LMNTD1: variants seen among roughly 807,000 people sequenced by gnomAD.
The protein encoded by LMNTD1 is lamin tail domain-containing protein 1.
LMNTD1 carries 35 observed loss-of-function variants against 50.9 expected under a neutral mutation model. The ratio of observed to expected loss-of-function variants is 0.69; its 90% confidence interval spans 0.53 to 0.91. The LOEUF (loss-of-function observed/expected upper bound fraction) is 0.91. Among genes scored for constraint, LMNTD1 ranks in the 40% least tolerant of loss-of-function variants. LMNTD1 has a pLI of 0.00. For synonymous variants in LMNTD1, 153 were observed against 161.9 expected (o/e 0.94, Z 0.42); for missense variants, 470 against 475.5 (o/e 0.99, Z 0.11).
At chr12:25,644,882 T>C (rs1023190635) in intron 1 of LMNTD1, among the ~76,000 whole-genome samples, 3 of 152,164 alleles carry the variant, frequency 2.0e-5, no homozygotes, top group Non-Finnish European at 4.4e-5. Context: ...CTGAGGTACA[T>C]AGATTTGACG....
chr12:25,604,003 GCAAA>G (rs1454386475), intron 1 of LMNTD1, among the ~76,000 whole-genome samples: 7 of 151,986 alleles, frequency 4.6e-5, no homozygotes, highest in Non-Finnish European at 7.4e-5. Context: ...AAAGAGCTAT[GCAAA>G]CAAACAAGCA....
intron 1 of LMNTD1, among the ~76,000 whole-genome samples, chr12:25,589,730 C>G (rs1311450840): frequency 6.6e-6 from 1 of 152,160 alleles, no homozygotes; most frequent in East Asian, 1.9e-4. Context: ...CTTCATGGCA[C>G]AAATATTCTC....
intron 1 of LMNTD1, among the ~76,000 whole-genome samples, chr12:25,629,744 T>C (rs1258474575): frequency 6.6e-6 from 1 of 152,176 alleles, no homozygotes; most frequent in Admixed American, 6.5e-5. Flanking sequence ...ATTGCTATCA[T>C]GGCTATTAAT....
intron 4 of LMNTD1, among the ~76,000 whole-genome samples, chr12:25,539,736 G>C (rs1565992897): frequency 7.4e-6 from 1 of 135,768 alleles, no homozygotes; most frequent in Non-Finnish European, 1.6e-5. Context: ...GAGCAGAACT[G>C]AAGGAAATAG....
At chr12:25,511,693 A>G (rs1940307999) in intron 8 of LMNTD1, among the ~76,000 whole-genome samples, 2 of 152,154 alleles carry the variant, frequency 1.3e-5, no homozygotes, top group African/African-American at 2.4e-5. Context: ...TTAAAATCCA[A>G]TTGTTGCCTC....
At chr12:25,562,415 G>T (rs1339805346) in intron 1 of LMNTD1, among the ~76,000 whole-genome samples, 1 of 152,210 alleles carries the variant, frequency 6.6e-6, no homozygotes, top group Non-Finnish European at 1.5e-5. Flanking sequence ...GGCTGGATAT[G>T]AAATTCTGGG....
intron 1 of LMNTD1, among the ~76,000 whole-genome samples, chr12:25,597,566 C>T (rs949885505): frequency 6.6e-6 from 1 of 152,078 alleles, no homozygotes; most frequent in Non-Finnish European, 1.5e-5. Flanking sequence ...GATTTCACCC[C>T]ACTTTCAACA....
intron 9 of LMNTD1, among the ~76,000 whole-genome samples, chr12:25,477,412 T>C (rs1487345542): frequency 6.6e-6 from 1 of 151,826 alleles, no homozygotes; most frequent in Non-Finnish European, 1.5e-5. Flanking sequence ...AAATCGGTCG[T>C]AGAAAGCAAC....
At chr12:25,539,067 C>A (rs1442793151) in intron 4 of LMNTD1, among the ~76,000 whole-genome samples, 1 of 151,278 alleles carries the variant, frequency 6.6e-6, no homozygotes, top group African/African-American at 2.4e-5. Context: ...CACCCAGATT[C>A]ATAAAGCAAG....
chr12:25,494,838 T>G, intron 9 of LMNTD1, among the ~76,000 whole-genome samples: 1 of 152,178 alleles, frequency 6.6e-6, no homozygotes, highest in East Asian at 1.9e-4. Flanking sequence ...ATACTTAACA[T>G]TTGTTTCGTG....
chr12:25,559,397 A>G (rs537217799), intron 1 of LMNTD1, among the ~76,000 whole-genome samples: 1 of 152,342 alleles, frequency 6.6e-6, no homozygotes, highest in African/African-American at 2.4e-5. Flanking sequence ...ATGGCTGCAT[A>G]GTATTCCATG....
chr12:25,599,504 T>G (rs931857409), intron 1 of LMNTD1, among the ~76,000 whole-genome samples: 1 of 152,028 alleles, frequency 6.6e-6, no homozygotes, highest in South Asian at 2.1e-4. Flanking sequence ...AAGGAAGAAG[T>G]CAAATTATCC....
chr12:25,521,797 A>G (rs1433234749), intron 6 of LMNTD1, among the ~76,000 whole-genome samples: 1 of 152,188 alleles, frequency 6.6e-6, no homozygotes, highest in African/African-American at 2.4e-5. Flanking sequence ...GACATGGACA[A>G]GAAAACACGT....
intron 1 of LMNTD1, among the ~76,000 whole-genome samples, chr12:25,570,134 A>G (rs761611183): frequency 5.9e-5 from 9 of 152,224 alleles, no homozygotes; most frequent in Non-Finnish European, 1.3e-4. Context: ...ACTGAGCGCC[A>G]TCGTTTACAA....
intron 1 of LMNTD1, among the ~76,000 whole-genome samples, chr12:25,644,577 G>T (rs981385204): frequency 2.0e-5 from 3 of 151,864 alleles, no homozygotes; most frequent in Non-Finnish European, 4.4e-5. Flanking sequence ...ACAGAATCTT[G>T]ATAGAGTAAC....
intron 6 of LMNTD1, among the ~76,000 whole-genome samples, chr12:25,521,847 C>T (rs1332922485): frequency 6.6e-6 from 1 of 152,228 alleles, no homozygotes; most frequent in East Asian, 1.9e-4. Context: ...TTAAGGAGAC[C>T]CATAAGCACT....
At chr12:25,529,671 T>C (rs1378781319) in intron 4 of LMNTD1, among the ~76,000 whole-genome samples, 1 of 152,144 alleles carries the variant, frequency 6.6e-6, no homozygotes, top group East Asian at 1.9e-4. Context: ...ATCAACATCC[T>C]AACTATTATC....
intron 8 of LMNTD1, among the ~76,000 whole-genome samples, chr12:25,513,621 G>A (rs1402184730): frequency 2.0e-5 from 3 of 152,154 alleles, no homozygotes; most frequent in Non-Finnish European, 4.4e-5. Context: ...CAGTGAGAGA[G>A]TCAGACTCTG....
chr12:25,591,874 A>AGAAAGT, intron 1 of LMNTD1, among the ~76,000 whole-genome samples: 1 of 137,492 alleles, frequency 7.3e-6, no homozygotes, highest in South Asian at 2.4e-4. Flanking sequence ...TTTATTTGGG[A>AGAAAGT]GAAAGTGAGG....
Sources: allele counts gnomAD v4.1 joint callset (sites outside exome capture counted in the v4.1 genomes callset), GRCh38; gene constraint gnomAD v4.1.1; transcripts MANE v1.5; gene names NCBI Gene and HGNC (gene_info 2026-07-23, HGNC 2026-07-21).